Variants in DAB2IP observed in about 807,000 individuals in gnomAD.
DAB2IP encodes DAB2 interacting protein.
Under a neutral mutation model 107.2 loss-of-function variants are expected in DAB2IP, and 28 were observed. The ratio of observed to expected loss-of-function variants is 0.26; its 90% CI spans 0.19 to 0.36. The LOEUF (loss-of-function observed/expected upper bound fraction) is 0.36, where lower values mean the gene tolerates loss of function less well. Among genes scored for constraint, DAB2IP ranks in the 10% least tolerant of loss-of-function variants. The pLI, the probability that DAB2IP is intolerant of heterozygous loss-of-function variation, is 1.00. For synonymous variants in DAB2IP, 755 were observed against 706.4 expected (o/e 1.07, Z -1.09); for missense variants, 1,400 against 1,644.7 (o/e 0.85, Z 2.57).
chr9:121,631,217 A>G (rs112769352), intron 1 of DAB2IP, among the ~76,000 whole-genome samples: 178 of 152,354 alleles, frequency 1.2e-3, no homozygotes, highest in African/African-American at 4.0e-3. Context: ...GGCAAGGCAC[A>G]CAGACAGCTG....
intron 1 of DAB2IP, among the ~76,000 whole-genome samples, chr9:121,655,805 C>G (rs1832946160): frequency 6.6e-6 from 1 of 152,124 alleles, no homozygotes; most frequent in Non-Finnish European, 1.5e-5. Context: ...CAGGCCCTGG[C>G]TGGGAGCTGG....
At chr9:121,575,499 A>G (rs1252649586) in intron 1 of DAB2IP, 2 of 152,254 alleles carry the variant, frequency 1.3e-5, no homozygotes, top group African/African-American at 2.4e-5. Flanking sequence ...GTTTCTTGGT[A>G]TATTGTTCAA....
Position 121,772,901 on chromosome 9 carries a change from A to G in DAB2IP, c.2373A>G (p.Pro791=). 1.3e-6 allele frequency: 2 copies of G among 1,574,088 alleles called. No homozygotes were observed. Among genetic ancestry groups the G allele is most frequent in the Non-Finnish European group, 8.6e-7 (1 of 1,163,938 alleles). ...CCGGGTGGCCGGCCCGGGCAACCCC[A>G]GTGAACCTGGCAGGGCTGGCCACGG... Residue 791 remains proline, a synonymous_variant, in exon 12 of 16, where the codon CCA becomes CCG. Transcript: ENST00000408936. This position sits in a 1 kb window ranked among gnomAD's most constrained non-coding sequence, Gnocchi z 4.7.
At position 121,699,288 on chromosome 9, in the gene DAB2IP, C is replaced by T; in HGVS notation, c.229-37C>T. The T allele has an allele frequency of 7.4e-7, 1 of 1,352,384 alleles. No individual in the cohort carries two copies. The allele number at this position is 1,352,384 out of a possible 1,614,324, so 83.8% of individuals were successfully genotyped here. A position where few individuals can be genotyped will look rare whatever the true frequency, so the allele number is the denominator to read the frequency against. On this transcript the variant is annotated intron_variant, in intron 2 of 15. Transcript: ENST00000408936. This position sits in a 1 kb window ranked among gnomAD's most constrained non-coding sequence, Gnocchi z 6.2. ...CCGGCCCGCCGCCGCCGCGCTAACC[C>T]CGCCTCCCCTTCCCCCTCTTGTCCC... is the stretch of plus-strand genomic sequence containing the variant.
chr9:121,694,791 G>T (rs984601338), intron 2 of DAB2IP, among the ~76,000 whole-genome samples: 1 of 152,116 alleles, frequency 6.6e-6, no homozygotes, highest in African/African-American at 2.4e-5. Flanking sequence ...AGGGGCGGGG[G>T]CTACACAGCT....
At chr9:121,689,817 G>T (rs1013669677) in intron 2 of DAB2IP, among the ~76,000 whole-genome samples, 1 of 152,244 alleles carries the variant, frequency 6.6e-6, no homozygotes, top group Admixed American at 6.5e-5. Context: ...AAGCTGGAAA[G>T]AATTCAGAGA....
chr9:121,733,049 A>T (rs1235629318), intron 3 of DAB2IP, among the ~76,000 whole-genome samples: 2 of 152,172 alleles, frequency 1.3e-5, no homozygotes, highest in African/African-American at 4.8e-5. Flanking sequence ...TCTCACCTTC[A>T]GCTAAGTACA....
intron 3 of DAB2IP, among the ~76,000 whole-genome samples, chr9:121,740,156 CCAGGGAGGGG>C (rs1265244456): frequency 3.9e-5 from 6 of 152,056 alleles, no homozygotes; most frequent in African/African-American, 1.5e-4. Context: ...GAGGGGAGGG[CCAGGGAGGGG>C]CCTGAATGTT....
At chr9:121,625,549 ACCAC>A (rs1274135133) in intron 1 of DAB2IP, among the ~76,000 whole-genome samples, 2 of 152,074 alleles carry the variant, frequency 1.3e-5, no homozygotes. Flanking sequence ...GGCGTGAGCC[ACCAC>A]GCCTGGCCAA....
chr9:121,745,711 A>G (rs916173121), intron 3 of DAB2IP, among the ~76,000 whole-genome samples: 1 of 152,090 alleles, frequency 6.6e-6, no homozygotes, highest in African/African-American at 2.4e-5. Flanking sequence ...AGGGCAACCC[A>G]CTTGACGGGG....
chr9:121,641,892 C>CCTTCCTTTCTTTCTTT, intron 1 of DAB2IP, among the ~76,000 whole-genome samples: 1 of 89,344 alleles, frequency 1.1e-5, no homozygotes, highest in East Asian at 3.6e-4. Context: ...CATTTCTTTC[C>CCTTCCTTTCTTTCTTT]CTTTCTTTCT....
intron 1 of DAB2IP, among the ~76,000 whole-genome samples, chr9:121,610,637 C>T (rs1279242552): frequency 5.9e-5 from 9 of 152,142 alleles, no homozygotes; most frequent in Admixed American, 2.6e-4. Flanking sequence ...TGTAATTCAG[C>T]ACGTGAGGGG....
At chr9:121,775,399 C>T (rs1017872553) in intron 13 of DAB2IP, among the ~76,000 whole-genome samples, 9 of 152,188 alleles carry the variant, frequency 5.9e-5, no homozygotes, top group Non-Finnish European at 8.8e-5. Flanking sequence ...TGAAGGGGAC[C>T]GGGGGACAGG....
chr9:121,732,755 G>A (rs530798484), intron 3 of DAB2IP, among the ~76,000 whole-genome samples: 1 of 152,328 alleles, frequency 6.6e-6, no homozygotes, highest in African/African-American at 2.4e-5. Flanking sequence ...CCAGTAACTA[G>A]CGATGTGAGC....
At chr9:121,586,265 C>T (rs2118917278) in intron 1 of DAB2IP, among the ~76,000 whole-genome samples, 2 of 152,322 alleles carry the variant, frequency 1.3e-5, no homozygotes, top group South Asian at 4.1e-4. Flanking sequence ...GCCATGAATC[C>T]TGATGGCAGA....
In DAB2IP at chr9:121,599,645, A is replaced by G. The variant is rs1830624505; in HGVS notation, c.40+32417A>G. 6.6e-6 allele frequency among the ~76,000 whole-genome samples: 1 copy of G among 152,106 alleles called. No homozygotes were observed. Among genetic ancestry groups the G allele is most frequent in the Non-Finnish European group, 1.5e-5 (1 of 68,008 alleles). On this transcript the variant is annotated intron_variant, in intron 1 of 16. Coordinates refer to the DAB2IP transcript ENST00000259371. The surrounding 1 kb of genome is among the most constrained non-coding windows in gnomAD (Gnocchi z 6.9). Reference sequence around the variant, plus strand: ...CCACTCGGCCCAGCTGGCGCGAAGGAAACTTTCCTGCAGCCGCCCGGCGAC... The same window carrying G: ...CCACTCGGCCCAGCTGGCGCGAAGGGAACTTTCCTGCAGCCGCCCGGCGAC...
chr9:121,650,033 G>A (rs1230013689), upstream of DAB2IP, among the ~76,000 whole-genome samples: 3 of 152,194 alleles, frequency 2.0e-5, 1 homozygote, highest in Non-Finnish European at 4.4e-5. Context: ...GTTTGTTTTA[G>A]CTCATCAGCT....
chr9:121,741,763 G>A (rs1832366456), intron 3 of DAB2IP, among the ~76,000 whole-genome samples: 1 of 151,082 alleles, frequency 6.6e-6, no homozygotes, highest in Non-Finnish European at 1.5e-5. Context: ...GCTATCCTGG[G>A]GCAGCTTCCT....
intron 1 of DAB2IP, among the ~76,000 whole-genome samples, chr9:121,591,667 G>T (rs1479186532): frequency 6.6e-6 from 1 of 152,218 alleles, no homozygotes; most frequent in East Asian, 1.9e-4. Flanking sequence ...CCAGGTGGAT[G>T]CATGGAACAA....
Sources: allele counts gnomAD v4.1 joint callset (sites outside exome capture counted in the v4.1 genomes callset), GRCh38; gene constraint gnomAD v4.1.1; non-coding constraint Gnocchi (gnomAD v3.1); transcripts MANE v1.5; gene names NCBI Gene and HGNC (gene_info 2026-07-23, HGNC 2026-07-21).